The following LRRFIP2 variants were observed in gnomAD, a reference collection of about 807,000 sequenced individuals.
The protein encoded by LRRFIP2 is leucine-rich repeat flightless-interacting protein 2.
LRRFIP2 carries 109 observed loss-of-function variants against 125.9 expected under a neutral mutation model. The ratio of observed to expected loss-of-function variants is 0.87; its 90% confidence interval spans 0.74 to 1.01. LRRFIP2 has a LOEUF of 1.01. Among genes scored for constraint, LRRFIP2 ranks in the 50% least tolerant of loss-of-function variants. The probability of loss-of-function intolerance (pLI) is 0.00; values close to 1 mark genes in which losing one functional copy is unlikely to be tolerated. For missense variants in LRRFIP2, 850 were observed against 862.3 expected (o/e 0.99, Z 0.18); for synonymous variants, 291 against 293.1 (o/e 0.99, Z 0.07).
intron 25 of LRRFIP2, 81 bp from the exon 26 acceptor site, chr3:37,055,246 A>G: frequency 1.3e-6 from 1 of 785,884 alleles, no homozygotes; most frequent in Non-Finnish European, 2.1e-6. Flanking sequence ...TCTGTGGCAC[A>G]GAGAGGACCA....
At chr3:37,132,516 G>A (rs1211615287) in intron 2 of LRRFIP2, among the ~76,000 whole-genome samples, 1 of 152,168 alleles carries the variant, frequency 6.6e-6, no homozygotes, top group Non-Finnish European at 1.5e-5. Context: ...CCTTCCCTTT[G>A]TTACTTAGCC....
At chr3:37,116,255 C>T (rs1439389090) in intron 6 of LRRFIP2, among the ~76,000 whole-genome samples, 1 of 151,936 alleles carries the variant, frequency 6.6e-6, no homozygotes, top group African/African-American at 2.4e-5. Flanking sequence ...CTCCCAAGTA[C>T]CTGGAACTAC....
intron 1 of LRRFIP2, among the ~76,000 whole-genome samples, chr3:37,152,118 G>A (rs1293644190): frequency 1.3e-5 from 2 of 152,192 alleles, no homozygotes; most frequent in Non-Finnish European, 2.9e-5. Flanking sequence ...TATACACCAT[G>A]TAATACTACT....
chr3:37,105,884 G>GTCA (rs2094297715), intron 13 of LRRFIP2, among the ~76,000 whole-genome samples: 1 of 152,166 alleles, frequency 6.6e-6, no homozygotes, highest in African/African-American at 2.4e-5. Flanking sequence ...GACCAACATG[G>GTCA]TGAAACCCCG....
At chr3:37,118,994 A>G (rs1376254361) in intron 6 of LRRFIP2, among the ~76,000 whole-genome samples, 1 of 152,174 alleles carries the variant, frequency 6.6e-6, no homozygotes, top group Admixed American at 6.5e-5. Context: ...AAAACTTAGA[A>G]CTCACAATAT....
At chr3:37,148,835 C>G in intron 2 of LRRFIP2, 59 bp downstream of exon 2, 1 of 1,590,186 alleles carries the variant, frequency 6.3e-7, no homozygotes, top group Non-Finnish European at 8.6e-7. Flanking sequence ...TCTGTCAAAT[C>G]GGCATTTTTA....
chr3:37,080,868 G>A, intron 19 of LRRFIP2, among the ~76,000 whole-genome samples: 1 of 152,008 alleles, frequency 6.6e-6, no homozygotes, highest in East Asian at 1.9e-4. Context: ...TTTTTTAAGT[G>A]TAAAAAAGAA....
In LRRFIP2 at chr3:37,110,984, G is replaced by A; in HGVS notation, c.513+7C>T. ...AAACACATAAAGCCAAAAAAGTTTAGACAAACCCGAGTGTAGTAGGCAGAG... is the reference window on the plus strand; with the variant it reads ...AAACACATAAAGCCAAAAAAGTTTAAACAAACCCGAGTGTAGTAGGCAGAG... On this transcript the variant is annotated splice_region_variant and intron_variant, in intron 9 of 27. Transcript: ENST00000336686. The A allele has an allele frequency of 6.2e-7, 1 of 1,612,428 alleles. No homozygotes were observed. The highest frequency in any genetic ancestry group is 1.1e-5 in the South Asian group (1 of 90,786).
At chr3:37,064,374 T>C (rs553501231) in intron 23 of LRRFIP2, 1 of 152,632 alleles carries the variant, frequency 6.6e-6, no homozygotes, top group Admixed American at 6.5e-5. Flanking sequence ...GGTGGATCAC[T>C]TGAGGTCAGG....
chr3:37,128,984 G>T, intron 3 of LRRFIP2, 79 bp downstream of exon 3: 1 of 1,268,390 alleles, frequency 7.9e-7, no homozygotes, highest in South Asian at 1.2e-5. Context: ...AAGGAAACCA[G>T]ATTCACATCA....
At chr3:37,109,815 A>G in intron 9 of LRRFIP2, 112 bp from the exon 10 acceptor site, 1 of 867,994 alleles carries the variant, frequency 1.2e-6, no homozygotes, top group Non-Finnish European at 1.8e-6. Context: ...ATAATTCATT[A>G]GCAATTCCTG....
At chr3:37,168,044 G>A (rs1390977834) in intron 1 of LRRFIP2, among the ~76,000 whole-genome samples, 3 of 152,172 alleles carry the variant, frequency 2.0e-5, no homozygotes, top group Non-Finnish European at 4.4e-5. Context: ...TGGAGAAACT[G>A]GAACCCTTGT....
chr3:37,135,228 A>G (rs2095527886), intron 2 of LRRFIP2: 1 of 652,160 alleles, frequency 1.5e-6, no homozygotes, highest in Non-Finnish European at 2.7e-6. Flanking sequence ...TGGGAGTCCA[A>G]GGCGGGCTGA....
chr3:37,059,736 G>C (rs1332866357), intron 24 of LRRFIP2, among the ~76,000 whole-genome samples: 1 of 151,546 alleles, frequency 6.6e-6, no homozygotes, highest in African/African-American at 2.4e-5. Flanking sequence ...GCAGTGAGTG[G>C]AGATCACATC....
At chr3:37,123,476 A>G (rs1235878720) in intron 4 of LRRFIP2, among the ~76,000 whole-genome samples, 1 of 152,204 alleles carries the variant, frequency 6.6e-6, no homozygotes, top group African/African-American at 2.4e-5. Flanking sequence ...GGCATGAGCC[A>G]CCATGCCTGG....
At position 37,169,921 on chromosome 3, in the gene LRRFIP2, C is replaced by T. The variant is rs183199814; in HGVS notation, c.-56+4618G>A. ...GCTTTTCCCAGCTCTTTACCACTTT[C>T]TTTCACTGCTGCTTTTTATTTCTTT... On this transcript the variant is annotated intron_variant, in intron 1 of 27. Transcript: ENST00000336686. 6.0e-4 allele frequency among the ~76,000 whole-genome samples: 92 copies of T among 152,296 alleles called. 1 individual carries two copies. The East Asian group carries it at 0.014, about 23-fold the overall frequency.
At chr3:37,116,267 G>C (rs1397361923) in intron 6 of LRRFIP2, among the ~76,000 whole-genome samples, 1 of 151,798 alleles carries the variant, frequency 6.6e-6, no homozygotes, top group African/African-American at 2.4e-5. Context: ...TGGAACTACA[G>C]AACTACAGGA....
At chr3:37,055,020 G>T in intron 26 of LRRFIP2, 66 bp downstream of exon 26, 2 of 1,028,356 alleles carry the variant, frequency 1.9e-6, no homozygotes, top group Non-Finnish European at 1.5e-6. Context: ...AGGCACTCAT[G>T]GGTTGTTAGC....
At chr3:37,120,246 A>T (rs944187579) in intron 6 of LRRFIP2, among the ~76,000 whole-genome samples, 8 of 151,466 alleles carry the variant, frequency 5.3e-5, no homozygotes, top group African/African-American at 1.7e-4. Flanking sequence ...AACTGGGATT[A>T]CAGGCATGCG....
Sources: gnomAD v4.1 joint callset for allele counts (sites outside exome capture counted in the v4.1 genomes callset) on GRCh38, gnomAD v4.1.1 for gene constraint, MANE v1.5 for transcripts, NCBI Gene and HGNC (gene_info 2026-07-23, HGNC 2026-07-21) for gene names.